The following NRXN3 variants were observed in gnomAD, a reference collection of about 807,000 sequenced individuals.
The protein encoded by NRXN3 is neurexin III.
A neutral mutation model predicts 137.6 loss-of-function variants in NRXN3; 32 were observed. The ratio of observed to expected loss-of-function variants is 0.23; its 90% confidence interval spans 0.18 to 0.31. The LOEUF (loss-of-function observed/expected upper bound fraction) is 0.31. NRXN3 is among the 10% of genes least tolerant of loss of function. The pLI is 1.00. For synonymous variants in NRXN3, 798 were observed against 784.5 expected (o/e 1.02, Z -0.29); for missense variants, 1,574 against 2,062.5 (o/e 0.76, Z 4.59).
At chr14:78,198,001 G>T (rs2061373556) in intron 1 of NRXN3, among the ~76,000 whole-genome samples, 1 of 152,200 alleles carries the variant, frequency 6.6e-6, no homozygotes, top group Non-Finnish European at 1.5e-5. Flanking sequence ...TCAGTCAAGA[G>T]ATAAATATGA....
intron 19 of NRXN3, among the ~76,000 whole-genome samples, chr14:79,781,495 A>C (rs1475448391): frequency 6.6e-6 from 1 of 152,372 alleles, no homozygotes; most frequent in East Asian, 1.9e-4. Flanking sequence ...ATGAAAGTAT[A>C]TAGGTAAACA....
rs540234381 is a variant in NRXN3, at chr14:79,784,614, CTTT to C, written c.4015-20476_4015-20474del. Among the ~76,000 whole-genome samples the C allele has an allele frequency of 4.0e-3, 309 of 76,586 alleles. 8 individuals carry two copies. The East Asian group carries it at 0.049, about 12-fold the overall frequency. The allele number at this position is 76,586 out of a possible 152,430, so 50.2% of individuals were successfully genotyped here. On this transcript the variant is annotated intron_variant, in intron 19 of 20. Coordinates refer to ENST00000335750, the MANE Select transcript of NRXN3 (RefSeq NM_001330195.2). ...TTTGTAGGTACTTTTTGTTGTGTTG[CTTT>C]TTTTTTTTTTTTTTTTTTTTTAATA...
intron 4 of NRXN3, among the ~76,000 whole-genome samples, chr14:78,370,856 G>A (rs2086699726): frequency 6.6e-6 from 1 of 152,190 alleles, no homozygotes; most frequent in African/African-American, 2.4e-5. Flanking sequence ...GGTCTTGATG[G>A]ATGAAGCTGT....
intron 16 of NRXN3, among the ~76,000 whole-genome samples, chr14:79,637,673 G>C (rs1299857061): frequency 6.7e-6 from 1 of 149,792 alleles, no homozygotes; most frequent in Admixed American, 6.6e-5. Flanking sequence ...AATTATAAAG[G>C]TTATTTTGTT....
At chr14:78,247,755 C>T (rs1025926220) in intron 2 of NRXN3, among the ~76,000 whole-genome samples, 10 of 152,150 alleles carry the variant, frequency 6.6e-5, no homozygotes, top group African/African-American at 1.9e-4. Flanking sequence ...GGTCCCCTCA[C>T]GGCTCATTGA....
intron 16 of NRXN3, among the ~76,000 whole-genome samples, chr14:79,634,169 G>C (rs2098384645): frequency 6.6e-6 from 1 of 152,206 alleles, no homozygotes; most frequent in Non-Finnish European, 1.5e-5. Flanking sequence ...TCAAGTTCAA[G>C]GAGAAAACAG....
At position 78,562,594 on chromosome 14, in the gene NRXN3, G is replaced by A. The variant is rs150411178; in HGVS notation, c.758-82526G>A. 6.5e-4 allele frequency among the ~76,000 whole-genome samples: 99 copies of A among 152,026 alleles called. 1 individual carries two copies. The highest frequency in any genetic ancestry group is 3.4e-3 in the Middle Eastern group (1 of 294). On this transcript the variant is annotated intron_variant, in intron 4 of 20. Coordinates refer to ENST00000335750, the MANE Select transcript of NRXN3 (RefSeq NM_001330195.2). ...CCTTGGGGAAAGAGATAACCCATGAGGCAAGAAAGAGGCCCAGGAGGTCCC... is the reference window on the plus strand; with the variant it reads ...CCTTGGGGAAAGAGATAACCCATGAAGCAAGAAAGAGGCCCAGGAGGTCCC...
intron 4 of NRXN3, among the ~76,000 whole-genome samples, chr14:78,519,489 T>C (rs1315003731): frequency 8.5e-5 from 13 of 152,196 alleles, no homozygotes; most frequent in Admixed American, 8.5e-4. Context: ...CTTAATACCA[T>C]TTATTCATTA....
At chr14:79,725,946 C>T (rs1360678605) in intron 19 of NRXN3, among the ~76,000 whole-genome samples, 2 of 152,064 alleles carry the variant, frequency 1.3e-5, no homozygotes, top group African/African-American at 4.8e-5. Context: ...CATATCTCTA[C>T]CTAGAAGCAC....
intron 10 of NRXN3, among the ~76,000 whole-genome samples, chr14:78,924,623 T>C (rs1358468447): frequency 6.6e-6 from 1 of 152,160 alleles, no homozygotes; most frequent in Non-Finnish European, 1.5e-5. Context: ...TAACAAACCA[T>C]TGCCTTTCTT....
At chr14:79,553,503 C>T (rs569230041) in intron 16 of NRXN3, among the ~76,000 whole-genome samples, 1 of 152,270 alleles carries the variant, frequency 6.6e-6, no homozygotes, top group Admixed American at 6.5e-5. Flanking sequence ...CATCTCATCC[C>T]ACCCAATGCC....
chr14:78,926,654 TA>T (rs1453161334), intron 10 of NRXN3, among the ~76,000 whole-genome samples: 2 of 92,268 alleles, frequency 2.2e-5, no homozygotes, highest in African/African-American at 3.9e-5. Context: ...ATATAATATA[TA>T]TATTTATTAT....
chr14:79,103,238 A>G (rs1188066057), intron 15 of NRXN3, among the ~76,000 whole-genome samples: 1 of 152,156 alleles, frequency 6.6e-6, no homozygotes, highest in Non-Finnish European at 1.5e-5. Flanking sequence ...GGCTGTGGCA[A>G]AACAGGAAGA....
intron 4 of NRXN3, among the ~76,000 whole-genome samples, chr14:78,355,655 A>G (rs2153599741): frequency 6.6e-6 from 1 of 152,308 alleles, no homozygotes; most frequent in African/African-American, 2.4e-5. Flanking sequence ...GCTGGCCTGA[A>G]GTGATCCACC....
At chr14:79,601,305 T>C (rs144145109) in intron 16 of NRXN3, among the ~76,000 whole-genome samples, 3,054 of 152,228 alleles carry the variant, frequency 0.02, 114 homozygotes, top group African/African-American at 0.07. Flanking sequence ...CTTCCCAAAG[T>C]GCTGGGATTA....
At chr14:79,381,463 G>A (rs1278896558) in intron 15 of NRXN3, among the ~76,000 whole-genome samples, 2 of 152,164 alleles carry the variant, frequency 1.3e-5, no homozygotes, top group East Asian at 3.9e-4. Flanking sequence ...CTTGACCTTC[G>A]TCTGTGGAGT....
intron 15 of NRXN3, among the ~76,000 whole-genome samples, chr14:79,173,432 T>C (rs2061982944): frequency 6.8e-6 from 1 of 147,696 alleles, no homozygotes; most frequent in African/African-American, 2.5e-5. Flanking sequence ...TTCAGAAGAC[T>C]GAGGTAGGAG....
At chr14:79,789,771 C>T (rs186191819) in intron 19 of NRXN3, among the ~76,000 whole-genome samples, 2 of 152,326 alleles carry the variant, frequency 1.3e-5, no homozygotes, top group Non-Finnish European at 2.9e-5. Flanking sequence ...CCCGCTTTAT[C>T]AGCAGGGTCT....
intron 10 of NRXN3, among the ~76,000 whole-genome samples, chr14:78,945,316 GTTTC>G (rs2152927000): frequency 6.6e-6 from 1 of 151,758 alleles, no homozygotes; most frequent in South Asian, 2.1e-4. Context: ...TTCTGTATAT[GTTTC>G]TTTCTTATCT....
Sources: allele counts gnomAD v4.1 joint callset (sites outside exome capture counted in the v4.1 genomes callset), GRCh38; gene constraint gnomAD v4.1.1; transcripts MANE v1.5; gene names NCBI Gene and HGNC (gene_info 2026-07-23, HGNC 2026-07-21).